The following SPHKAP variants were observed in gnomAD, a reference collection of about 807,000 sequenced individuals.
The protein encoded by SPHKAP is SPHK1 interactor, AKAP domain containing, also known as A-kinase anchor protein SPHKAP.
A neutral mutation model predicts 137.5 loss-of-function variants in SPHKAP; 67 were observed. The observed-to-expected ratio is 0.49, with a 90% CI of 0.40 to 0.60. SPHKAP has a LOEUF of 0.60. Among genes scored for constraint, SPHKAP ranks in the 20% least tolerant of loss-of-function variants. The probability of loss-of-function intolerance (pLI) is 0.00; values close to 1 mark genes in which losing one functional copy is unlikely to be tolerated. For synonymous variants in SPHKAP, 813 were observed against 785.3 expected (o/e 1.04, Z -0.59); for missense variants, 2,097 against 2,069.3 (o/e 1.01, Z -0.26).
chr2:227,995,489 T>C lies in SPHKAP; in HGVS notation c.4634+20A>G. 3 of 1,613,926 alleles carry C rather than the reference T, an allele frequency of 1.9e-6. No individual in the cohort carries two copies. The highest frequency in any genetic ancestry group is 2.2e-5 in the South Asian group (2 of 91,066). ...GTGTTGAGACCAATTTCCCTGGGAA[T>C]TCAAGGGAAGAGCAGGTACCTCATG... On this transcript the variant is annotated intron_variant, in intron 8 of 11. Transcript: ENST00000392056.
At chr2:228,136,623 T>C (rs1042513657) in intron 1 of SPHKAP, among the ~76,000 whole-genome samples, 2 of 152,200 alleles carry the variant, frequency 1.3e-5, no homozygotes, top group Admixed American at 6.5e-5. Context: ...ACCAGCAGCA[T>C]TGGTGTCACT....
intron 1 of SPHKAP, chr2:228,132,361 G>A (rs1458469155): frequency 5.6e-6 from 1 of 178,606 alleles, no homozygotes; most frequent in African/African-American, 2.4e-5. Flanking sequence ...CTGACTACTG[G>A]CCTTGTTAGC....
intron 3 of SPHKAP, among the ~76,000 whole-genome samples, chr2:228,041,040 G>C (rs1384166424): frequency 6.6e-6 from 1 of 151,762 alleles, no homozygotes; most frequent in Non-Finnish European, 1.5e-5. Context: ...ATGTGCTCTG[G>C]GCTATATAAA....
intron 7 of SPHKAP, among the ~76,000 whole-genome samples, chr2:228,005,115 C>T (rs930050284): frequency 3.3e-5 from 5 of 152,104 alleles, no homozygotes; most frequent in Non-Finnish European, 5.9e-5. Context: ...TCCTTGTTAA[C>T]TTTCTGTCTC....
chr2:227,997,683 T>G (rs1293590190), intron 7 of SPHKAP, among the ~76,000 whole-genome samples: 1 of 152,224 alleles, frequency 6.6e-6, no homozygotes, highest in Non-Finnish European at 1.5e-5. Flanking sequence ...TCTTAATCTT[T>G]TTAGCTGGAG....
chr2:228,132,160 C>T, intron 1 of SPHKAP, 75 bp from the exon 2 acceptor site: 1 of 1,220,852 alleles, frequency 8.2e-7, no homozygotes, highest in Non-Finnish European at 1.2e-6. Context: ...ATAAGTAAAT[C>T]ACAACATGGT....
At chr2:227,997,998 G>C (rs1174082932) in intron 7 of SPHKAP, among the ~76,000 whole-genome samples, 3 of 152,046 alleles carry the variant, frequency 2.0e-5, no homozygotes, top group Non-Finnish European at 4.4e-5. Flanking sequence ...CAAGCTGGTA[G>C]TTTTTTGTTT....
chr2:228,042,628 A>C (rs1695895498), intron 3 of SPHKAP, among the ~76,000 whole-genome samples: 1 of 152,150 alleles, frequency 6.6e-6, no homozygotes, highest in South Asian at 2.1e-4. Context: ...ACTGAGATAG[A>C]ATATTTATAA....
rs776311963 is a variant in SPHKAP, at chr2:228,017,580, C to A, written c.3274G>T (p.Glu1092Ter). ...AGGCTGTTGACATAGGCCCTGGCCT[C>A]GGAGTCTTCCTCAGGAATGCTTTCG... ...SCESIPEEDS[E>*]ARAYVNSLGL... is the part of the protein sequence containing the mutation. Residue 1092 changes from glutamate (E) to a stop codon, truncating the protein, a stop_gained, in exon 7 of 12, where the codon GAG becomes TAG. Transcript: ENST00000392056. LOFTEE classifies it high-confidence loss of function. The A allele has an allele frequency of 6.2e-7, 1 of 1,613,846 alleles. No homozygotes were observed. Among genetic ancestry groups the A allele is most frequent in the African/African-American group, 1.3e-5 (1 of 75,062 alleles).
At chr2:228,027,438 T>C (rs1695088339) in intron 4 of SPHKAP, 46 bp downstream of exon 4, 2 of 1,584,114 alleles carry the variant, frequency 1.3e-6, no homozygotes, top group Non-Finnish European at 1.7e-6. Flanking sequence ...TCAAGTTGAA[T>C]AGTCCTTGTA....
chr2:228,082,821 A>T (rs1231563908), intron 3 of SPHKAP, among the ~76,000 whole-genome samples: 1 of 152,172 alleles, frequency 6.6e-6, no homozygotes, highest in Admixed American at 6.6e-5. Flanking sequence ...TAATGAATCC[A>T]CCTAATGTGC....
At chr2:228,156,497 C>G (rs1382306223) in intron 1 of SPHKAP, among the ~76,000 whole-genome samples, 3 of 152,204 alleles carry the variant, frequency 2.0e-5, no homozygotes, top group Non-Finnish European at 4.4e-5. Context: ...GATTTGTTAA[C>G]AGTTCCATAA....
At chr2:228,127,081 C>A (rs951603505) in intron 2 of SPHKAP, among the ~76,000 whole-genome samples, 1 of 152,058 alleles carries the variant, frequency 6.6e-6, no homozygotes. Context: ...GGGGAATTGC[C>A]GACAGATTTC....
chr2:228,124,236 A>G (rs1699001637), intron 2 of SPHKAP, among the ~76,000 whole-genome samples: 1 of 152,232 alleles, frequency 6.6e-6, no homozygotes, highest in Non-Finnish European at 1.5e-5. Context: ...ATTACTGGGT[A>G]TATACCCAAA....
chr2:228,141,683 C>T (rs967791827), intron 1 of SPHKAP, among the ~76,000 whole-genome samples: 1 of 152,122 alleles, frequency 6.6e-6, no homozygotes, highest in African/African-American at 2.4e-5. Flanking sequence ...ATCAATTATT[C>T]TAAGACAATA....
chr2:228,062,611 A>AAAAT (rs1553536323), intron 3 of SPHKAP, among the ~76,000 whole-genome samples: 14 of 152,168 alleles, frequency 9.2e-5, no homozygotes, highest in Admixed American at 4.6e-4. Context: ...AATGGAAAAA[A>AAAAT]AAAATAAAAT....
rs746684910 is a variant in SPHKAP at position 228,088,528 on chromosome 2, C to T, written c.246+20304G>A. Among the ~76,000 whole-genome samples the T allele has an allele frequency of 9.2e-5, 14 of 152,144 alleles. No individual in the cohort carries two copies. The East Asian group carries it at 1.2e-3, about 13-fold the overall frequency. ...CAGGAGTACAGGAACAAACATAATA[C>T]GAGACATATAAAAATCAAGAAGTAC... is the stretch of plus-strand genomic sequence containing the variant. On this transcript the variant is annotated intron_variant, in intron 3 of 11. Transcript: ENST00000392056.
In SPHKAP at chr2:228,181,493, G is replaced by C; in HGVS notation, c.32+74C>G. The stretch of plus-strand genomic sequence containing the variant: ...TGCAAACCGAAGCGCTCTGGGGCAA[G>C]TTGGTGAGCGACTCACAACGCGGAA... On this transcript the variant is annotated intron_variant, in intron 1 of 11. Coordinates refer to ENST00000392056, the MANE Select transcript of SPHKAP (RefSeq NM_001142644.2). The surrounding 1 kb of genome is among the most constrained non-coding windows in gnomAD (Gnocchi z 4.3). 3 of 1,609,308 alleles carry C rather than the reference G, an allele frequency of 1.9e-6. No individual in the cohort carries two copies. The highest frequency in any genetic ancestry group is 2.6e-6 in the Non-Finnish European group (3 of 1,175,698).
At position 227,999,778 on chromosome 2, in the gene SPHKAP, GCTC is replaced by G. The variant is rs200093928; in HGVS notation, c.4449-4087_4449-4085del. Among the ~76,000 whole-genome samples, 633 of 152,274 alleles carry G rather than the reference GCTC, an allele frequency of 4.2e-3. 3 individuals carry two copies. Among genetic ancestry groups the G allele is most frequent in the African/African-American group, 0.015 (610 of 41,568 alleles). ...GAGAGAAATTGAAATTTACAGTTCT[GCTC>G]ATTTATTTATGAATAATGCACAGAG... On this transcript the variant is annotated intron_variant, in intron 7 of 11. Transcript: ENST00000392056.
Sources: gnomAD v4.1 joint callset for allele counts (sites outside exome capture counted in the v4.1 genomes callset) on GRCh38, gnomAD v4.1.1 for gene constraint, Gnocchi (gnomAD v3.1) non-coding constraint, MANE v1.5 for transcripts, NCBI Gene and HGNC (gene_info 2026-07-23, HGNC 2026-07-21) for gene names.